The following SRGAP3 variants were observed in gnomAD, a reference collection of about 807,000 sequenced individuals.
SRGAP3 encodes the protein SLIT-ROBO Rho GTPase activating protein 3, also known as SLIT-ROBO Rho GTPase-activating protein 3.
Under a neutral mutation model 121.1 loss-of-function variants are expected in SRGAP3, and 39 were observed. The observed-to-expected ratio is 0.32, with a 90% CI of 0.25 to 0.42. SRGAP3 has a LOEUF of 0.42. Among genes scored for constraint, SRGAP3 ranks in the 10% least tolerant of loss-of-function variants. SRGAP3 has a pLI of 1.00. For missense variants in SRGAP3, 1,213 were observed against 1,470.6 expected, an observed-to-expected ratio of 0.82 and a Z score of 2.86; for synonymous variants, 601 against 570.0, an observed-to-expected ratio of 1.05 and a Z score of -0.77.
chr3:9,243,970 T>C (rs1057503301), intron 1 of SRGAP3, among the ~76,000 whole-genome samples: 2 of 152,214 alleles, frequency 1.3e-5, no homozygotes, highest in Admixed American at 6.5e-5. Flanking sequence ...CATTCCTGCC[T>C]AGGAAGAGCA....
At chr3:9,144,321 T>C (rs189883941) in intron 1 of SRGAP3, among the ~76,000 whole-genome samples, 199 of 152,332 alleles carry the variant, frequency 1.3e-3, no homozygotes, top group Admixed American at 3.1e-3. Flanking sequence ...TGCCCTATCT[T>C]TCAGTCCCCT....
intron 3 of SRGAP3, among the ~76,000 whole-genome samples, chr3:9,324,930 C>T (rs1446652456): frequency 1.3e-5 from 2 of 151,286 alleles, no homozygotes; most frequent in African/African-American, 4.8e-5. Flanking sequence ...GCACTCCAGC[C>T]TGGGCGACAG....
chr3:9,145,285 G>A (rs1300814916), intron 1 of SRGAP3, among the ~76,000 whole-genome samples: 10 of 152,190 alleles, frequency 6.6e-5, no homozygotes, highest in South Asian at 6.2e-4. Context: ...TGGTAGAGAC[G>A]GGGTTTCGCC....
intron 3 of SRGAP3, among the ~76,000 whole-genome samples, chr3:9,321,856 T>C (rs1400236181): frequency 6.6e-6 from 1 of 151,576 alleles, no homozygotes; most frequent in Non-Finnish European, 1.5e-5. Flanking sequence ...GAAAAAATTT[T>C]TGGGTACTAG....
chr3:9,085,694 G>A (rs1185683462), intron 3 of SRGAP3, among the ~76,000 whole-genome samples: 1 of 152,154 alleles, frequency 6.6e-6, no homozygotes, highest in African/African-American at 2.4e-5. Context: ...ATTATACTTA[G>A]CAAACTAACA....
chr3:9,141,553 G>GGGGTGTGTGT (rs955861514), intron 1 of SRGAP3, among the ~76,000 whole-genome samples: 5 of 138,394 alleles, frequency 3.6e-5, no homozygotes, highest in African/African-American at 1.4e-4. Flanking sequence ...TGACTTCAGG[G>GGGGTGTGTGT]GTGTGTGTGT....
At chr3:9,026,847 A>G (rs1236024467) in intron 13 of SRGAP3, 88 bp downstream of exon 13, 2 of 1,464,820 alleles carry the variant, frequency 1.4e-6, no homozygotes, top group African/African-American at 2.8e-5. Flanking sequence ...GAAGTCTTCC[A>G]GGACAAATTA....
chr3:9,175,577 T>C (rs983064419), intron 1 of SRGAP3, among the ~76,000 whole-genome samples: 1 of 152,134 alleles, frequency 6.6e-6, no homozygotes, highest in Non-Finnish European at 1.5e-5. Context: ...TGGTCTGCTA[T>C]GGGGAAAAGC....
intron 2 of SRGAP3, among the ~76,000 whole-genome samples, chr3:9,108,978 C>T (rs191313635): frequency 7.9e-5 from 12 of 152,224 alleles, no homozygotes; most frequent in Admixed American, 3.3e-4. Flanking sequence ...AGATCTTAGG[C>T]GACTGGGTAG....
In SRGAP3 at chr3:9,109,746, G is replaced by A. The variant is rs1948548420; in HGVS notation, c.261-4904C>T. On this transcript the variant is annotated intron_variant, in intron 2 of 21. Transcript: ENST00000383836. The surrounding 1 kb of genome is among the most constrained non-coding windows in gnomAD (Gnocchi z 4.4). Reference sequence around the variant, plus strand: ...TCTGGTGGTGAGGTTGGTCATGCATGGCTTCCTGGAGGAAACGCTTTCTAG... The same window carrying A: ...TCTGGTGGTGAGGTTGGTCATGCATAGCTTCCTGGAGGAAACGCTTTCTAG... Among the ~76,000 whole-genome samples the A allele has an allele frequency of 6.6e-6, 1 of 152,170 alleles. No individual in the cohort carries two copies. The highest frequency in any genetic ancestry group is 1.5e-5 in the Non-Finnish European group (1 of 68,030).
intron 1 of SRGAP3, among the ~76,000 whole-genome samples, chr3:9,354,681 C>CA (rs34026081): frequency 0.15 from 10,344 of 70,168 alleles, 929 homozygotes; most frequent in African/African-American, 0.27. Flanking sequence ...GACTCCATCT[C>CA]AAAAAAAAAA....
intron 1 of SRGAP3, among the ~76,000 whole-genome samples, chr3:9,175,802 A>C (rs1951159366): frequency 6.6e-6 from 1 of 152,220 alleles, no homozygotes. Context: ...TTTAGAGAGA[A>C]AAAGGGCTCC....
At chr3:9,060,196 G>T in intron 6 of SRGAP3, 35 bp downstream of exon 6, 1 of 1,613,534 alleles carries the variant, frequency 6.2e-7, no homozygotes, top group Non-Finnish European at 8.5e-7. Flanking sequence ...CCTGGTGTGG[G>T]CCCTGCTCAG....
chr3:9,324,057 G>A (rs1955477746), intron 3 of SRGAP3, among the ~76,000 whole-genome samples: 1 of 151,874 alleles, frequency 6.6e-6, no homozygotes, highest in South Asian at 2.1e-4. Context: ...TACTGAAACA[G>A]TGAGGTTGGT....
chr3:9,303,708 C>T (rs1180413544), intron 3 of SRGAP3, among the ~76,000 whole-genome samples: 3 of 152,158 alleles, frequency 2.0e-5, no homozygotes, highest in African/African-American at 7.2e-5. Flanking sequence ...CTGGCTTAAT[C>T]CACAAGAGAC....
chr3:9,177,593 C>A (rs530012749), intron 1 of SRGAP3, among the ~76,000 whole-genome samples: 16 of 152,158 alleles, frequency 1.1e-4, no homozygotes, highest in African/African-American at 3.9e-4. Context: ...TTGAGAGGAG[C>A]TCCACTGTCA....
intron 13 of SRGAP3, 133 bp downstream of exon 13, chr3:9,026,802 C>T: frequency 1.0e-6 from 1 of 959,406 alleles, no homozygotes; most frequent in Non-Finnish European, 1.7e-6. Context: ...CTGCTGTGTG[C>T]AGTACTTTCC....
rs370681177 is a variant in SRGAP3, at chr3:9,118,404, C to A, written c.260+6321G>T. ...TCATTTGGACAAGACCATCCACCTA[C>A]CCCAAGAGGCAGGTTTGGGGGCCCC... is the stretch of plus-strand genomic sequence containing the variant. On this transcript the variant is annotated intron_variant, in intron 2 of 21. Transcript: ENST00000383836. Among the ~76,000 whole-genome samples, 62 of 152,282 alleles carry A rather than the reference C, an allele frequency of 4.1e-4. 2 individuals are homozygous for A. In the South Asian group the frequency reaches 0.011, roughly 28 times the overall value.
At chr3:9,145,429 TAAG>T (rs1384555325) in intron 1 of SRGAP3, among the ~76,000 whole-genome samples, 1 of 152,218 alleles carries the variant, frequency 6.6e-6, no homozygotes, top group African/African-American at 2.4e-5. Flanking sequence ...CTGTTTTATG[TAAG>T]TTTTTAATAT....
Sources: allele counts gnomAD v4.1 joint callset (sites outside exome capture counted in the v4.1 genomes callset), GRCh38; gene constraint gnomAD v4.1.1; non-coding constraint Gnocchi (gnomAD v3.1); transcripts MANE v1.5; gene names NCBI Gene and HGNC (gene_info 2026-07-23, HGNC 2026-07-21).